DNAJC1: variants seen among roughly 807,000 people sequenced by gnomAD.
The protein encoded by DNAJC1 is dnaJ homolog subfamily C member 1.
In DNAJC1, 58 loss-of-function variants were observed where a neutral mutation model predicts 76.6. The ratio of observed to expected loss-of-function variants is 0.76; its 90% CI spans 0.61 to 0.94. DNAJC1 has a LOEUF of 0.94. Ranked by LOEUF, DNAJC1 falls within the 40% of genes least tolerant of loss-of-function variation. The probability of loss-of-function intolerance (pLI) is 0.00; values close to 1 mark genes in which losing one functional copy is unlikely to be tolerated. For missense variants in DNAJC1, 689 were observed against 677.3 expected, an observed-to-expected ratio of 1.02 and a Z score of -0.19; for synonymous variants, 258 against 267.9, an observed-to-expected ratio of 0.96 and a Z score of 0.36.
chr10:21,837,981 C>T (rs1458833283), intron 8 of DNAJC1, among the ~76,000 whole-genome samples: 36 of 150,118 alleles, frequency 2.4e-4, no homozygotes, highest in East Asian at 6.0e-4. Flanking sequence ...AGTCCCCGCC[C>T]GGCCAGCCGC....
intron 9 of DNAJC1, among the ~76,000 whole-genome samples, chr10:21,772,919 G>C (rs1834405213): frequency 6.6e-6 from 1 of 152,112 alleles, no homozygotes; most frequent in Admixed American, 6.6e-5. Flanking sequence ...AGGCAAACTA[G>C]GAGGCAGCAC....
rs568648920 is a variant in DNAJC1, at chr10:21,902,455, C to T, written c.820+2067G>A. 2.6e-5 allele frequency among the ~76,000 whole-genome samples: 4 copies of T among 152,210 alleles called. No homozygotes were observed. The East Asian group carries it at 5.8e-4, about 22-fold the overall frequency. ...GAATAGTGGGGATTATAGGCGCACA[C>T]CACCATGCCCAGCTAATTTTTGTAT... is the stretch of plus-strand genomic sequence containing the variant. On this transcript the variant is annotated intron_variant, in intron 7 of 11. Transcript: ENST00000376980.
At chr10:21,841,778 A>G (rs937845472) in intron 8 of DNAJC1, among the ~76,000 whole-genome samples, 1 of 152,168 alleles carries the variant, frequency 6.6e-6, no homozygotes, top group African/African-American at 2.4e-5. Context: ...ATTATAAACC[A>G]TGCTGCTATA....
Position 21,806,003 on chromosome 10 carries a change from C to T in DNAJC1, c.1075G>A (p.Glu359Lys), listed in dbSNP as rs781040896. The change falls in exon 9 of 12, where the codon GAA becomes AAA. Residue 359 changes from glutamate (E) to lysine (K), a missense_variant. Coordinates refer to ENST00000376980, the MANE Select transcript of DNAJC1 (RefSeq NM_022365.4). ...ACATCTGTCACAGATCGACCCAATT[C>T]GTGGGCAATCTTTTCCCATCGACCT... ...TPGRWEKIAHELGRSVTDVTT... is the reference protein window; with the variant it reads ...TPGRWEKIAHKLGRSVTDVTT... The T allele has an allele frequency of 1.2e-6, 2 of 1,611,486 alleles. No individual in the cohort carries two copies. The highest frequency in any genetic ancestry group is 1.1e-5 in the South Asian group (1 of 90,962).
At chr10:21,815,366 C>T (rs964962663) in intron 8 of DNAJC1, among the ~76,000 whole-genome samples, 1 of 152,230 alleles carries the variant, frequency 6.6e-6, no homozygotes, top group Admixed American at 6.5e-5. Flanking sequence ...TCCTTGTGGG[C>T]CAAGGTGGAA....
At chr10:21,988,461 TTATC>T (rs1484369416) in intron 1 of DNAJC1, among the ~76,000 whole-genome samples, 2 of 152,094 alleles carry the variant, frequency 1.3e-5, no homozygotes, top group Non-Finnish European at 2.9e-5. Flanking sequence ...AAAGGGCCCT[TTATC>T]TTCTCTTATA....
chr10:21,851,985 G>C (rs1315975832), intron 8 of DNAJC1, among the ~76,000 whole-genome samples: 1 of 151,700 alleles, frequency 6.6e-6, no homozygotes, highest in African/African-American at 2.4e-5. Context: ...CCCGGGAGGC[G>C]GAGCTTGCAG....
At chr10:21,960,804 A>G (rs1036325237) in intron 1 of DNAJC1, among the ~76,000 whole-genome samples, 3 of 152,230 alleles carry the variant, frequency 2.0e-5, no homozygotes, top group Admixed American at 6.5e-5. Flanking sequence ...ACAAAAAGAC[A>G]AACAATCCAA....
At chr10:21,953,994 A>G (rs930611370) in intron 1 of DNAJC1, among the ~76,000 whole-genome samples, 1 of 152,108 alleles carries the variant, frequency 6.6e-6, no homozygotes, top group Non-Finnish European at 1.5e-5. Flanking sequence ...TCTAGAAAAT[A>G]GCACTGTACA....
chr10:21,785,852 G>A (rs1373401885), intron 9 of DNAJC1, among the ~76,000 whole-genome samples: 4 of 152,170 alleles, frequency 2.6e-5, no homozygotes, highest in African/African-American at 4.8e-5. Flanking sequence ...GAAATTGTAC[G>A]ACTAAGAAGG....
chr10:21,924,108 A>G (rs1837081670), intron 3 of DNAJC1, among the ~76,000 whole-genome samples: 1 of 152,050 alleles, frequency 6.6e-6, no homozygotes, highest in Admixed American at 6.6e-5. Context: ...AACAGAAAAC[A>G]TGTCTAAATT....
intron 1 of DNAJC1, among the ~76,000 whole-genome samples, chr10:21,948,669 T>C (rs753319861): frequency 1.3e-5 from 2 of 152,218 alleles, no homozygotes; most frequent in East Asian, 1.9e-4. Context: ...GTTAATCTTA[T>C]TGTGCCTAAT....
intron 8 of DNAJC1, among the ~76,000 whole-genome samples, chr10:21,816,815 G>A (rs1486659747): frequency 3.6e-5 from 5 of 139,460 alleles, no homozygotes; most frequent in African/African-American, 1.3e-4. Context: ...AAAGTGCTGG[G>A]ATTACAGGCA....
Position 22,003,579 on chromosome 10 carries a change from C to T in DNAJC1, c.-145G>A. 2.9e-6 allele frequency: 3 copies of T among 1,034,674 alleles called. No individual in the cohort carries two copies. The highest frequency in any genetic ancestry group is 3.4e-5 in the East Asian group (1 of 29,166). 64.1% of individuals were successfully genotyped at this position (1,034,674 alleles called of 1,614,324 possible). A position where few individuals can be genotyped will look rare whatever the true frequency, so the allele number is the denominator to read the frequency against. On this transcript the variant is annotated 5_prime_UTR_variant, in exon 1 of 12. Transcript: ENST00000376980. ...CGGAGCGGCCCGCCAGGTGGCTGGC[C>T]CCAGACAGAGCGCGGAGGCGGCGGG...
At chr10:21,957,738 T>C (rs983879640) in intron 1 of DNAJC1, among the ~76,000 whole-genome samples, 2 of 152,230 alleles carry the variant, frequency 1.3e-5, no homozygotes, top group Non-Finnish European at 2.9e-5. Flanking sequence ...AATAAATACA[T>C]ACATTCTTCT....
intron 9 of DNAJC1, among the ~76,000 whole-genome samples, chr10:21,781,949 A>C (rs1489302509): frequency 6.6e-6 from 1 of 152,148 alleles, no homozygotes; most frequent in Admixed American, 6.5e-5. Flanking sequence ...GAAAGCAGGA[A>C]AGATCTAAAA....
chr10:21,979,916 TGCTCCTATGACTTTTGCAGTCAAA>T (rs1229204491), intron 1 of DNAJC1, among the ~76,000 whole-genome samples: 3 of 152,044 alleles, frequency 2.0e-5, no homozygotes, highest in Non-Finnish European at 4.4e-5. Context: ...TGCATATGTC[TGCTCCTATGACTTTTGCAGTCAAA>T]AGTCCTATGA....
At chr10:21,774,919 A>T (rs1235851601) in intron 9 of DNAJC1, among the ~76,000 whole-genome samples, 1 of 152,228 alleles carries the variant, frequency 6.6e-6, no homozygotes, top group East Asian at 1.9e-4. Context: ...ATTAGAACAT[A>T]GCCTTTACTG....
intron 9 of DNAJC1, among the ~76,000 whole-genome samples, chr10:21,767,471 T>C (rs1834315387): frequency 6.6e-6 from 1 of 152,250 alleles, no homozygotes; most frequent in Non-Finnish European, 1.5e-5. Context: ...GATATGTTGC[T>C]ATGTTGCAGT....
Sources: allele counts gnomAD v4.1 joint callset (sites outside exome capture counted in the v4.1 genomes callset), GRCh38; gene constraint gnomAD v4.1.1; transcripts MANE v1.5; gene names NCBI Gene and HGNC (gene_info 2026-07-23, HGNC 2026-07-21).